The following COL28A1 variants were observed in gnomAD, a reference collection of about 807,000 sequenced individuals.
The protein encoded by COL28A1 is collagen type XXVIII alpha 1 chain.
In COL28A1, 161 loss-of-function variants were observed where a neutral mutation model predicts 150.2. The ratio of observed to expected loss-of-function variants is 1.07; its 90% CI spans 0.94 to 1.22. The LOEUF (loss-of-function observed/expected upper bound fraction) is 1.22, where lower values mean the gene tolerates loss of function less well. Among genes scored for constraint, COL28A1 ranks in the 50% most tolerant of loss-of-function variants. The pLI, the probability that COL28A1 is intolerant of heterozygous loss-of-function variation, is 0.00. For synonymous variants in COL28A1, 552 were observed against 469.7 expected (o/e 1.18, Z -2.26); for missense variants, 1,617 against 1,388.3 (o/e 1.16, Z -2.62).
At chr7:7,339,251 T>C in the COL28A1 span, among the ~76,000 whole-genome samples, 1 of 152,182 alleles carries the variant, frequency 6.6e-6, no homozygotes, top group Non-Finnish European at 1.5e-5. Flanking sequence ...GCTAAATTAA[T>C]TGAAATAACA....
intron 6 of COL28A1, among the ~76,000 whole-genome samples, 196 bp from the exon 7 acceptor site, chr7:7,518,033 A>G (rs1781513112): frequency 6.6e-6 from 1 of 151,796 alleles, no homozygotes; most frequent in Middle Eastern, 3.5e-3. Flanking sequence ...TGCCCTTTGC[A>G]GTGAAGCCAG....
chr7:7,523,458 G>GT (rs961728624), intron 4 of COL28A1, among the ~76,000 whole-genome samples: 1,994 of 147,604 alleles, frequency 0.014, 43 homozygotes, highest in African/African-American at 0.043. Flanking sequence ...ATGCCTGGCC[G>GT]TTTTTTTTTT....
intron 3 of COL28A1, among the ~76,000 whole-genome samples, chr7:7,530,648 A>G (rs1370259822): frequency 6.6e-6 from 1 of 152,144 alleles, no homozygotes; most frequent in African/African-American, 2.4e-5. Flanking sequence ...CGTGTGTTTT[A>G]CAAAGCAGCA....
chr7:7,476,603 A>G (rs1030062126), intron 14 of COL28A1, among the ~76,000 whole-genome samples: 6 of 152,218 alleles, frequency 3.9e-5, no homozygotes, highest in Admixed American at 6.5e-5. Context: ...GAACAACTTG[A>G]GCTCCAAGAA....
intron 15 of COL28A1, among the ~76,000 whole-genome samples, chr7:7,458,606 G>A (rs1379724987): frequency 2.6e-5 from 4 of 152,094 alleles, no homozygotes; most frequent in Non-Finnish European, 5.9e-5. Flanking sequence ...AAAACATAAT[G>A]GAATCCAGTT....
Position 7,501,966 on chromosome 7 carries a change from G to A in COL28A1, c.1026+4048C>T, listed in dbSNP as rs560548683. Among the ~76,000 whole-genome samples the A allele has an allele frequency of 2.0e-5, 3 of 152,208 alleles. No individual in the cohort carries two copies. The East Asian group carries it at 5.8e-4, about 29-fold the overall frequency. On this transcript the variant is annotated intron_variant, in intron 11 of 34. Coordinates refer to ENST00000399429, the MANE Select transcript of COL28A1 (RefSeq NM_001037763.3). ...GCTGGAGTGCAGTGGTGCAATCTTG[G>A]CTCACAGCAACCTCTGCCTCCCGGG...
At chr7:7,479,359 A>C (rs1252355999) in intron 13 of COL28A1, among the ~76,000 whole-genome samples, 1 of 152,252 alleles carries the variant, frequency 6.6e-6, no homozygotes, top group Non-Finnish European at 1.5e-5. Flanking sequence ...AAGTAGAAGA[A>C]AATGGAAATT....
At chr7:7,452,289 C>T (rs976094149) in intron 18 of COL28A1, 30 bp downstream of exon 18, 1 of 1,591,672 alleles carries the variant, frequency 6.3e-7, no homozygotes, top group Non-Finnish European at 8.5e-7. Flanking sequence ...CATAAAGTAT[C>T]ATATCACTTC....
intron 27 of COL28A1, among the ~76,000 whole-genome samples, chr7:7,413,547 C>A (rs1783903344): frequency 6.6e-6 from 1 of 152,164 alleles, no homozygotes; most frequent in African/African-American, 2.4e-5. Flanking sequence ...TGTGTCAAGT[C>A]CTGGCCAAGA....
intron 27 of COL28A1, among the ~76,000 whole-genome samples, chr7:7,392,042 G>A (rs2128294554): frequency 6.6e-6 from 1 of 152,158 alleles, no homozygotes; most frequent in African/African-American, 2.4e-5. Context: ...TGGTTATTTT[G>A]CTCATTAGTT....
intron 30 of COL28A1, among the ~76,000 whole-genome samples, chr7:7,377,819 A>AG: frequency 6.7e-6 from 1 of 148,516 alleles, no homozygotes; most frequent in East Asian, 1.9e-4. Context: ...AAAAAAAAAA[A>AG]AAAACCAGAC....
At chr7:7,461,308 C>T (rs1300153837) in intron 15 of COL28A1, among the ~76,000 whole-genome samples, 1 of 152,202 alleles carries the variant, frequency 6.6e-6, no homozygotes, top group Non-Finnish European at 1.5e-5. Context: ...CTGCCAGAGG[C>T]ACTGGGAAAA....
At chr7:7,509,203 T>A (rs915361501) in intron 9 of COL28A1, among the ~76,000 whole-genome samples, 1 of 151,992 alleles carries the variant, frequency 6.6e-6, no homozygotes, top group Non-Finnish European at 1.5e-5. Context: ...CAATGACAGC[T>A]CACTGCAGCC....
chr7:7,526,317 T>C (rs1782019750), intron 3 of COL28A1, among the ~76,000 whole-genome samples: 1 of 152,212 alleles, frequency 6.6e-6, no homozygotes, highest in South Asian at 2.1e-4. Flanking sequence ...AATGAAATAC[T>C]ACTCGGCAGT....
chr7:7,411,236 A>G (rs1266927507), intron 27 of COL28A1, among the ~76,000 whole-genome samples: 1 of 152,222 alleles, frequency 6.6e-6, no homozygotes, highest in African/African-American at 2.4e-5. Context: ...ACAAACCAAA[A>G]GAAATCTTCC....
At chr7:7,478,912 C>T (rs1428502673) in intron 13 of COL28A1, among the ~76,000 whole-genome samples, 5 of 152,248 alleles carry the variant, frequency 3.3e-5, no homozygotes, top group East Asian at 1.9e-4. Context: ...TGGTTCCACC[C>T]GTGCCTCTCC....
At chr7:7,402,535 T>C (rs1783264721) in intron 27 of COL28A1, among the ~76,000 whole-genome samples, 1 of 152,186 alleles carries the variant, frequency 6.6e-6, no homozygotes. Flanking sequence ...ATTTAGAGAA[T>C]CAAACTAGGG....
chr7:7,427,428 G>C (rs1395857881), intron 25 of COL28A1, among the ~76,000 whole-genome samples: 1 of 152,096 alleles, frequency 6.6e-6, no homozygotes, highest in African/African-American at 2.4e-5. Flanking sequence ...TGTATCCTAG[G>C]CCAGCCCTCC....
intron 11 of COL28A1, among the ~76,000 whole-genome samples, chr7:7,499,847 C>T (rs566896803): frequency 4.3e-4 from 65 of 152,226 alleles, no homozygotes; most frequent in Non-Finnish European, 6.8e-4. Context: ...TAAATAATGA[C>T]CAAAACAATA....
Sources: allele counts gnomAD v4.1 joint callset (sites outside exome capture counted in the v4.1 genomes callset), GRCh38; gene constraint gnomAD v4.1.1; transcripts MANE v1.5; gene names NCBI Gene and HGNC (gene_info 2026-07-23, HGNC 2026-07-21).